PRKN: variants seen among roughly 807,000 people sequenced by gnomAD.
PRKN encodes E3 ubiquitin-protein ligase parkin.
In PRKN, 56 loss-of-function variants were observed where a neutral mutation model predicts 59.5. The ratio of observed to expected loss-of-function variants is 0.94; its 90% CI spans 0.76 to 1.18. The LOEUF (loss-of-function observed/expected upper bound fraction) is 1.18. PRKN is among the 50% of genes most tolerant of loss of function. PRKN has a pLI of 0.00. For synonymous variants in PRKN, 250 were observed against 222.1 expected (o/e 1.13, Z -1.12); for missense variants, 657 against 596.4 (o/e 1.10, Z -1.06).
chr6:161,716,242 G>A (rs1464714551), intron 7 of PRKN: 10 of 512,872 alleles, frequency 1.9e-5, no homozygotes, highest in Non-Finnish European at 2.5e-5. Context: ...ATTGCCAGAT[G>A]TCAGTGCTGA....
At chr6:161,783,593 A>G (rs1209604058) in intron 7 of PRKN, 1 of 487,088 alleles carries the variant, frequency 2.1e-6, no homozygotes, top group Non-Finnish European at 3.9e-6. Flanking sequence ...AAATGAACTG[A>G]TAACTAAAAA....
chr6:162,142,441 G>A (rs1035184637), intron 4 of PRKN, among the ~76,000 whole-genome samples: 3 of 152,096 alleles, frequency 2.0e-5, no homozygotes, highest in African/African-American at 2.4e-5. Flanking sequence ...GATGAGCATC[G>A]TTCCTCCATT....
At chr6:161,654,004 A>AT (rs34048733) in intron 7 of PRKN, among the ~76,000 whole-genome samples, 3 of 150,884 alleles carry the variant, frequency 2.0e-5, no homozygotes, top group Non-Finnish European at 3.0e-5. Context: ...AATAAAATGC[A>AT]TTTTTTTTTT....
At chr6:162,331,876 T>C (rs1439086598) in intron 2 of PRKN, among the ~76,000 whole-genome samples, 2 of 152,200 alleles carry the variant, frequency 1.3e-5, no homozygotes, top group Non-Finnish European at 2.9e-5. Flanking sequence ...GTTCCCCTTG[T>C]AGCTTCCTCC....
intron 7 of PRKN, among the ~76,000 whole-genome samples, chr6:161,572,541 TC>T: frequency 6.6e-6 from 1 of 152,188 alleles, no homozygotes; most frequent in Middle Eastern, 3.4e-3. Context: ...GCATCTGTAA[TC>T]CCAGCTACTT....
intron 1 of PRKN, among the ~76,000 whole-genome samples, chr6:162,703,718 G>A (rs533401192): frequency 5.9e-5 from 9 of 152,284 alleles, no homozygotes; most frequent in South Asian, 4.1e-4. Flanking sequence ...ACAGAGGGTC[G>A]TGAGTAGAGC....
chr6:162,165,842 G>A (rs2023085), intron 4 of PRKN, among the ~76,000 whole-genome samples: 91,053 of 151,188 alleles, frequency 0.6, 27,777 homozygotes, highest in Non-Finnish European at 0.65. Context: ...TTAGGTCAGG[G>A]GTTCAAGACC....
At chr6:162,370,575 A>C (rs563703559) in intron 2 of PRKN, among the ~76,000 whole-genome samples, 1 of 152,314 alleles carries the variant, frequency 6.6e-6, no homozygotes, top group South Asian at 2.1e-4. Context: ...GGAGAGAAAG[A>C]AAGGTGAATC....
At chr6:162,451,601 T>C (rs1012904661) in intron 1 of PRKN, among the ~76,000 whole-genome samples, 2 of 151,796 alleles carry the variant, frequency 1.3e-5, no homozygotes, top group African/African-American at 2.4e-5. Context: ...GAGAATCAAA[T>C]AGAAATTCTA....
At chr6:161,516,467 TAAA>T (rs376373455) in intron 9 of PRKN, among the ~76,000 whole-genome samples, 15 of 23,142 alleles carry the variant, frequency 6.5e-4, no homozygotes, top group South Asian at 5.7e-3. Flanking sequence ...AGGCTCCTTC[TAAA>T]AAAAAAAAAA....
At chr6:162,452,598 A>G (rs554912285) in intron 1 of PRKN, among the ~76,000 whole-genome samples, 221 of 152,298 alleles carry the variant, frequency 1.5e-3, no homozygotes, top group African/African-American at 5.2e-3. Flanking sequence ...AAAAATATTG[A>G]CCCAAAAAGC....
chr6:161,383,366 C>T (rs571544810), intron 10 of PRKN, among the ~76,000 whole-genome samples: 11 of 152,338 alleles, frequency 7.2e-5, no homozygotes, highest in East Asian at 1.9e-4. Context: ...TTGGTAAATT[C>T]GCTCATAGAG....
chr6:162,710,374 A>AACACACACACAC (rs138911423), intron 1 of PRKN, among the ~76,000 whole-genome samples: 4,610 of 125,222 alleles, frequency 0.037, 143 homozygotes, highest in Admixed American at 0.061. Context: ...ACCCCCTACA[A>AACACACACACAC]ACACACACAC....
In PRKN at chr6:162,289,786, G is replaced by A. The variant is rs1454322896; in HGVS notation, c.172-27021C>T. On this transcript the variant is annotated intron_variant, in intron 2 of 11. Transcript: ENST00000366898. ...CAAGGACTAGGTACCTTACTGGAGG[G>A]CAGATAGCCAGCTGCCTCTGCTGTG... Among the ~76,000 whole-genome samples the A allele has an allele frequency of 4.6e-5, 7 of 152,200 alleles. No homozygotes were observed. The East Asian group carries it at 1.4e-3, about 29-fold the overall frequency.
intron 3 of PRKN, among the ~76,000 whole-genome samples, chr6:162,244,656 A>G (rs2128093049): frequency 6.6e-6 from 1 of 151,234 alleles, no homozygotes; most frequent in Admixed American, 6.6e-5. Context: ...TTTACCAAAA[A>G]AATAAAAAAA....
intron 6 of PRKN, among the ~76,000 whole-genome samples, chr6:161,819,448 G>A (rs1297322513): frequency 3.3e-5 from 5 of 151,964 alleles, no homozygotes; most frequent in African/African-American, 9.7e-5. Flanking sequence ...CTGAGGTCAC[G>A]CACTGCACTC....
intron 9 of PRKN, among the ~76,000 whole-genome samples, chr6:161,524,453 C>T (rs955955914): frequency 6.6e-6 from 1 of 152,098 alleles, no homozygotes; most frequent in African/African-American, 2.4e-5. Flanking sequence ...TCAAGTGATC[C>T]TCTTGCCTCA....
intron 4 of PRKN, among the ~76,000 whole-genome samples, chr6:162,186,354 C>A (rs948225288): frequency 2.0e-5 from 3 of 151,010 alleles, no homozygotes; most frequent in Non-Finnish European, 4.4e-5. Context: ...CCAAATCAAG[C>A]AGAAAGTACA....
Position 161,483,124 on chromosome 6 carries a change from T to C in PRKN, c.1083+65730A>G, listed in dbSNP as rs1266127147. On this transcript the variant is annotated intron_variant, in intron 9 of 11. Transcript: ENST00000366898. The surrounding 1 kb of genome is among the most constrained non-coding windows in gnomAD (Gnocchi z 5.0). ...CTTCTCAGCAATTTCTCTCTATGTG[T>C]TCTGCAGATAAATGTTCTTTCCGGC... is the stretch of plus-strand genomic sequence containing the variant. 1.3e-5 allele frequency among the ~76,000 whole-genome samples: 2 copies of C among 151,878 alleles called. No homozygotes were observed. The highest frequency in any genetic ancestry group is 2.9e-5 in the Non-Finnish European group (2 of 67,998).
Sources: allele counts gnomAD v4.1 joint callset (sites outside exome capture counted in the v4.1 genomes callset), GRCh38; gene constraint gnomAD v4.1.1; non-coding constraint Gnocchi (gnomAD v3.1); transcripts MANE v1.5; gene names NCBI Gene and HGNC (gene_info 2026-07-23, HGNC 2026-07-21).